Variants in MAN2A1 observed in about 807,000 individuals in gnomAD.
MAN2A1 encodes the protein mannosidase alpha class 2A member 1, also known as alpha-mannosidase 2.
In MAN2A1, 76 loss-of-function variants were observed where a neutral mutation model predicts 142.6. The observed-to-expected ratio is 0.53, with a 90% CI of 0.44 to 0.65. The LOEUF (loss-of-function observed/expected upper bound fraction) is 0.65. Among genes scored for constraint, MAN2A1 ranks in the 30% least tolerant of loss-of-function variants. MAN2A1 has a pLI of 0.00. For synonymous variants in MAN2A1, 559 were observed against 473.2 expected, an observed-to-expected ratio of 1.18 and a Z score of -2.35; for missense variants, 1,311 against 1,365.1, an observed-to-expected ratio of 0.96 and a Z score of 0.62.
intron 20 of MAN2A1, chr5:109,864,772 C>A: frequency 7.5e-6 from 3 of 398,392 alleles, no homozygotes; most frequent in Non-Finnish European, 1.4e-5. Context: ...AACCTAAGTC[C>A]TCGGGGATTA....
intron 1 of MAN2A1, among the ~76,000 whole-genome samples, chr5:109,702,349 G>GTGTC (rs1452363918): frequency 7.0e-6 from 1 of 142,676 alleles, no homozygotes; most frequent in Non-Finnish European, 1.5e-5. Flanking sequence ...GTGTGTGTGT[G>GTGTC]TGTCTGTGTG....
chr5:109,785,226 T>C (rs964837953), intron 10 of MAN2A1, among the ~76,000 whole-genome samples: 2 of 152,128 alleles, frequency 1.3e-5, no homozygotes, highest in African/African-American at 4.8e-5. Context: ...ACTGGAGTTA[T>C]CTTCTTGACC....
chr5:109,821,608 G>C (rs887461471), intron 15 of MAN2A1, among the ~76,000 whole-genome samples: 2 of 152,116 alleles, frequency 1.3e-5, no homozygotes, highest in African/African-American at 4.8e-5. Context: ...TACAAGCTTT[G>C]CCTATAATAG....
chr5:109,865,805 G>T (rs143421904), intron 21 of MAN2A1, among the ~76,000 whole-genome samples: 79 of 152,322 alleles, frequency 5.2e-4, no homozygotes, highest in Non-Finnish European at 8.1e-4. Context: ...CTTTCTGGCA[G>T]TTCCATCAAG....
chr5:109,857,394 A>G (rs1755652296), intron 20 of MAN2A1, among the ~76,000 whole-genome samples: 3 of 152,216 alleles, frequency 2.0e-5, no homozygotes, highest in Admixed American at 2.0e-4. Flanking sequence ...AACAGAAAGA[A>G]TAGAGTGGAG....
Position 109,867,072 on chromosome 5 carries a change from A to AAAATAATGTGCTT in MAN2A1, c.*74_*75insAAATAATGTGCTT. The stretch of plus-strand genomic sequence containing the variant: ...TTGGTTTGACGTGCAATAAAGAAGC[A>AAAATAATGTGCTT]CATTATTTTAGCTTCTGGCTACTGT... On this transcript the variant is annotated 3_prime_UTR_variant, in exon 22 of 22. Coordinates refer to ENST00000261483, the MANE Select transcript of MAN2A1 (RefSeq NM_002372.4). 2 of 1,238,288 alleles carry AAAATAATGTGCTT rather than the reference A, an allele frequency of 1.6e-6. No homozygotes were observed. The highest frequency in any genetic ancestry group is 2.2e-6 in the Non-Finnish European group (2 of 900,776). The allele number at this position is 1,238,288 out of a possible 1,614,324, so 76.7% of individuals were successfully genotyped here. A position where few individuals can be genotyped will look rare whatever the true frequency, so the allele number is the denominator to read the frequency against.
intron 14 of MAN2A1, 119 bp from the exon 15 acceptor site, chr5:109,820,101 C>G (rs1228896466): frequency 4.3e-6 from 4 of 935,030 alleles, no homozygotes; most frequent in Non-Finnish European, 6.3e-6. Flanking sequence ...CTGTGTGTCA[C>G]TGGTCCACCA....
intron 1 of MAN2A1, among the ~76,000 whole-genome samples, chr5:109,712,279 G>A (rs1040826766): frequency 6.6e-6 from 1 of 151,832 alleles, no homozygotes; most frequent in Non-Finnish European, 1.5e-5. Context: ...GTGTTATATG[G>A]TCTTTCATAT....
Position 109,819,738 on chromosome 5 carries a change from A to C in MAN2A1, c.2179A>C (p.Asn727His), listed in dbSNP as rs1442295824. ...VYKILESASS[N>H]SHLADYVLYK... ...TAAGATTTTGGAATCAGCAAGTTCA[A>C]ATTCACATTTAGCTGATTATGTCTT... Residue 727 changes from asparagine to histidine, a missense_variant, in exon 14 of 22, where the codon AAT becomes CAT. Physicochemically the swap from Asn to His is moderately conservative, Grantham distance 68. Coordinates refer to ENST00000261483, the MANE Select transcript of MAN2A1 (RefSeq NM_002372.4). 1 of 1,612,468 alleles carries C rather than the reference A, an allele frequency of 6.2e-7. No homozygotes were observed.
intron 17 of MAN2A1, among the ~76,000 whole-genome samples, chr5:109,842,739 A>T (rs540160258): frequency 1.4e-4 from 22 of 151,796 alleles, no homozygotes; most frequent in Admixed American, 1.2e-3. Context: ...GATGCTAAAA[A>T]ATATATATAT....
intron 1 of MAN2A1, among the ~76,000 whole-genome samples, chr5:109,701,180 A>G (rs1196586722): frequency 6.6e-6 from 1 of 152,178 alleles, no homozygotes; most frequent in African/African-American, 2.4e-5. Context: ...TATAAAGACA[A>G]AGGCCTTAAA....
At chr5:109,775,477 C>G (rs902632198) in intron 8 of MAN2A1, among the ~76,000 whole-genome samples, 3 of 64,722 alleles carry the variant, frequency 4.6e-5, no homozygotes, top group African/African-American at 1.8e-4. Context: ...ATGGTTCTTA[C>G]TCTTTTTTTT....
intron 8 of MAN2A1, among the ~76,000 whole-genome samples, chr5:109,775,734 TA>T (rs1753272452): frequency 6.6e-6 from 1 of 152,142 alleles, no homozygotes; most frequent in South Asian, 2.1e-4. Context: ...TGTTTAAAAA[TA>T]TAACGATAAT....
At chr5:109,825,016 G>C (rs1231956375) in intron 16 of MAN2A1, among the ~76,000 whole-genome samples, 7 of 152,270 alleles carry the variant, frequency 4.6e-5, no homozygotes, top group African/African-American at 1.4e-4. Flanking sequence ...GAAAAATAAT[G>C]CTAGACACTA....
intron 4 of MAN2A1, among the ~76,000 whole-genome samples, chr5:109,744,271 A>G (rs1031830306): frequency 6.6e-6 from 1 of 152,108 alleles, no homozygotes; most frequent in African/African-American, 2.4e-5. Context: ...GTTTTCTTCT[A>G]TAGAGGCAAG....
At chr5:109,862,993 C>G (rs1006536468) in intron 20 of MAN2A1, 1 of 152,154 alleles carries the variant, frequency 6.6e-6, no homozygotes, top group Non-Finnish European at 1.5e-5. Context: ...GTGTTTCCCT[C>G]CCCACATTTT....
At chr5:109,752,669 G>A (rs755258000) in intron 4 of MAN2A1, among the ~76,000 whole-genome samples, 3 of 152,218 alleles carry the variant, frequency 2.0e-5, no homozygotes, top group South Asian at 2.1e-4. Flanking sequence ...TATGAGGGCA[G>A]TTGAGACCAG....
At chr5:109,724,331 C>T (rs552604365) in intron 3 of MAN2A1, among the ~76,000 whole-genome samples, 5 of 152,212 alleles carry the variant, frequency 3.3e-5, no homozygotes, top group Non-Finnish European at 7.4e-5. Flanking sequence ...ACTGTGTTCA[C>T]TATTTGGGTG....
chr5:109,750,557 A>G (rs1752518622), intron 4 of MAN2A1, among the ~76,000 whole-genome samples: 1 of 152,128 alleles, frequency 6.6e-6, no homozygotes, highest in Admixed American at 6.5e-5. Flanking sequence ...ATCTTATAAA[A>G]GAAACTATGC....
Sources: allele counts gnomAD v4.1 joint callset (sites outside exome capture counted in the v4.1 genomes callset), GRCh38; gene constraint gnomAD v4.1.1; transcripts MANE v1.5; gene names NCBI Gene and HGNC (gene_info 2026-07-23, HGNC 2026-07-21).